The following RNF185 variants were observed in gnomAD, a reference collection of about 807,000 sequenced individuals.
RNF185 encodes the protein E3 ubiquitin-protein ligase RNF185.
A neutral mutation model predicts 24.9 loss-of-function variants in RNF185; 13 were observed. That is an observed-to-expected ratio of 0.52 (90% CI 0.34 to 0.83). The LOEUF (loss-of-function observed/expected upper bound fraction) is 0.83. RNF185 is among the 40% of genes least tolerant of loss of function. The pLI is 0.01. For missense variants in RNF185, 184 were observed against 244.7 expected, an observed-to-expected ratio of 0.75 and a Z score of 1.65; for synonymous variants, 79 against 90.3, an observed-to-expected ratio of 0.88 and a Z score of 0.71.
intron 6 of RNF185, 81 bp downstream of exon 6, chr22:31,201,696 A>C (rs2048264709): frequency 5.2e-6 from 5 of 970,008 alleles, no homozygotes; most frequent in Non-Finnish European, 6.5e-6. Context: ...AGCAGTATAT[A>C]AGTTACAGAT....
chr22:31,184,530 C>T (rs576231415), intron 1 of RNF185, among the ~76,000 whole-genome samples: 523 of 152,292 alleles, frequency 3.4e-3, no homozygotes, highest in Non-Finnish European at 5.9e-3. Context: ...CGGGCAGAGG[C>T]TGCAATCTCG....
rs1555880801 is a variant in RNF185, at chr22:31,170,191, T to TTG, written c.-49+9889_-49+9890insGT. The stretch of plus-strand genomic sequence containing the variant: ...AGTGATGTGGTTTTTTGTTTTTTTT[T>TTG]TTTGTTTGTTTGTTTGAGACAGAGT... On this transcript the variant is annotated intron_variant, in intron 1 of 6. Coordinates refer to ENST00000326132, the MANE Select transcript of RNF185 (RefSeq NM_152267.4). Among the ~76,000 whole-genome samples, 403 of 151,792 alleles carry TTG rather than the reference T, an allele frequency of 2.7e-3. 1 individual carries two copies. The highest frequency in any genetic ancestry group is 4.5e-3 in the Non-Finnish European group (305 of 67,848).
chr22:31,189,140 T>TGTGTGTGG, intron 2 of RNF185, among the ~76,000 whole-genome samples: 1 of 146,218 alleles, frequency 6.8e-6, no homozygotes, highest in East Asian at 2.0e-4. Context: ...AAAAAATGTG[T>TGTGTGTGG]GTGTGTGTGT....
intron 1 of RNF185, among the ~76,000 whole-genome samples, chr22:31,166,509 CACTT>C (rs1360242036): frequency 1.3e-5 from 2 of 152,138 alleles, no homozygotes; most frequent in Non-Finnish European, 2.9e-5. Context: ...AGAAAACACA[CACTT>C]TAATTTTAAT....
chr22:31,187,842 T>C (rs548167485), intron 2 of RNF185, among the ~76,000 whole-genome samples: 1 of 152,352 alleles, frequency 6.6e-6, no homozygotes, highest in South Asian at 2.1e-4. Context: ...GGTCGGTGTC[T>C]GTTCCAGCCT....
At chr22:31,165,447 GTTAT>G (rs1238533299) in intron 1 of RNF185, among the ~76,000 whole-genome samples, 14 of 152,256 alleles carry the variant, frequency 9.2e-5, no homozygotes, top group Admixed American at 8.5e-4. Flanking sequence ...TTGTAATTGA[GTTAT>G]TTGTTATCGT....
intron 3 of RNF185, among the ~76,000 whole-genome samples, chr22:31,194,560 T>A (rs2048185855): frequency 6.6e-6 from 1 of 151,978 alleles, no homozygotes; most frequent in African/African-American, 2.4e-5. Flanking sequence ...AAACCCTGTC[T>A]CTACTAAAAA....
chr22:31,181,195 A>T (rs1046721141), intron 1 of RNF185, among the ~76,000 whole-genome samples: 1 of 151,980 alleles, frequency 6.6e-6, no homozygotes, highest in African/African-American at 2.4e-5. Flanking sequence ...TAATTTAAAA[A>T]TTAGCTGAGC....
At chr22:31,178,441 GAGGGCTACA>G (rs2048003637) in intron 1 of RNF185, among the ~76,000 whole-genome samples, 1 of 152,194 alleles carries the variant, frequency 6.6e-6, no homozygotes, top group Non-Finnish European at 1.5e-5. Flanking sequence ...GGTAGAAAGT[GAGGGCTACA>G]TTAAAAGCAT....
chr22:31,181,709 G>A (rs982526615), intron 1 of RNF185, among the ~76,000 whole-genome samples: 1 of 152,090 alleles, frequency 6.6e-6, no homozygotes, highest in African/African-American at 2.4e-5. Context: ...TTGTAGGGAC[G>A]TGGATGAAGC....
At chr22:31,171,780 C>G (rs1490158937) in intron 1 of RNF185, among the ~76,000 whole-genome samples, 3 of 151,970 alleles carry the variant, frequency 2.0e-5, no homozygotes, top group African/African-American at 4.8e-5. Context: ...ACCAGCCTGA[C>G]CAACATGGAG....
At chr22:31,163,455 G>C (rs1420763235) in intron 1 of RNF185, among the ~76,000 whole-genome samples, 3 of 151,612 alleles carry the variant, frequency 2.0e-5, no homozygotes, top group African/African-American at 4.8e-5. Flanking sequence ...AGCCACCCGA[G>C]TAGTTGGGAC....
At chr22:31,198,905 A>C (rs2048235167) in intron 5 of RNF185, among the ~76,000 whole-genome samples, 2 of 149,154 alleles carry the variant, frequency 1.3e-5, no homozygotes, top group African/African-American at 4.9e-5. Context: ...GACCAGCCTG[A>C]CCAATATGGT....
rs574097547 is a variant in RNF185, at chr22:31,168,845, T to A, written c.-49+8542T>A. Among the ~76,000 whole-genome samples the A allele has an allele frequency of 8.5e-5, 13 of 152,290 alleles. No individual in the cohort carries two copies. The East Asian group carries it at 2.3e-3, about 27-fold the overall frequency. ...ACCCTTCTGTGTACTTTTGGGACAT[T>A]TGTATTTCTTCTTTGAAGAAATGTC... On this transcript the variant is annotated intron_variant, in intron 1 of 6. Transcript: ENST00000326132.
At position 31,197,487 on chromosome 22, in the gene RNF185, T is replaced by C. The variant is rs148282326; in HGVS notation, c.363+497T>C. On this transcript the variant is annotated intron_variant, in intron 5 of 6. Transcript: ENST00000326132. ...CATAATTCAATCCTTTGTTAGACAT[T>C]AGCGGCTTTCTTTTTCCAAGTTAAA... 9.2e-5 allele frequency among the ~76,000 whole-genome samples: 14 copies of C among 152,324 alleles called. No individual in the cohort carries two copies. In the East Asian group the frequency reaches 2.5e-3, roughly 27 times the overall value.
intron 5 of RNF185, among the ~76,000 whole-genome samples, chr22:31,200,445 T>C (rs1481798977): frequency 6.6e-6 from 1 of 152,240 alleles, no homozygotes; most frequent in Non-Finnish European, 1.5e-5. Context: ...GGTCAAGTTA[T>C]TTCACCTCTC....
intron 1 of RNF185, among the ~76,000 whole-genome samples, chr22:31,170,425 G>C (rs4820949): frequency 0.085 from 13,004 of 152,232 alleles, 840 homozygotes; most frequent in East Asian, 0.4. Flanking sequence ...TCCTTACCTT[G>C]TGATCCACCC....
intron 1 of RNF185, among the ~76,000 whole-genome samples, chr22:31,180,903 TTCTC>T (rs59737558): frequency 0.1 from 13,532 of 133,852 alleles, 1,572 homozygotes; most frequent in African/African-American, 0.28. Flanking sequence ...TCTAGGCATT[TTCTC>T]TCTCTCTCTG....
intron 1 of RNF185, among the ~76,000 whole-genome samples, chr22:31,170,247 G>GGC (rs2047914897): frequency 6.6e-6 from 1 of 152,046 alleles, no homozygotes; most frequent in Non-Finnish European, 1.5e-5. Context: ...GGAGTGCAGT[G>GGC]GTGCAATCTC....
Sources: gnomAD v4.1 joint callset for allele counts (sites outside exome capture counted in the v4.1 genomes callset) on GRCh38, gnomAD v4.1.1 for gene constraint, MANE v1.5 for transcripts, NCBI Gene and HGNC (gene_info 2026-07-23, HGNC 2026-07-21) for gene names.